The following C8orf88 variants were observed in gnomAD, a reference collection of about 807,000 sequenced individuals.
C8orf88 encodes uncharacterized protein C8orf88.
C8orf88 carries 14 observed loss-of-function variants against 18.4 expected under a neutral mutation model. The observed-to-expected ratio is 0.76, with a 90% CI of 0.50 to 1.19. C8orf88 has a LOEUF of 1.19. C8orf88 is among the 50% of genes most tolerant of loss of function. The probability of loss-of-function intolerance (pLI) is 0.00; values close to 1 mark genes in which losing one functional copy is unlikely to be tolerated. For missense variants in C8orf88, 116 were observed against 134.7 expected, an observed-to-expected ratio of 0.86 and a Z score of 0.69; for synonymous variants, 45 against 42.9, an observed-to-expected ratio of 1.05 and a Z score of -0.19.
chr8:90,976,615 A>G (rs1370392438), intron 3 of C8orf88, among the ~76,000 whole-genome samples: 2 of 152,064 alleles, frequency 1.3e-5, no homozygotes, highest in Non-Finnish European at 2.9e-5. Flanking sequence ...TTATACAGAG[A>G]TACAAAAATG....
intron 3 of C8orf88, among the ~76,000 whole-genome samples, chr8:90,976,512 A>T (rs868686770): frequency 4.6e-5 from 7 of 152,224 alleles, no homozygotes; most frequent in Middle Eastern, 6.8e-3. Flanking sequence ...TATTTAATTA[A>T]GGAAATGTTA....
chr8:90,982,226 TG>T (rs1188373589), intron 1 of C8orf88, among the ~76,000 whole-genome samples: 6 of 151,876 alleles, frequency 4.0e-5, no homozygotes, highest in African/African-American at 1.5e-4. Context: ...TATAACAAGA[TG>T]AAAAAAAAGT....
intron 1 of C8orf88, among the ~76,000 whole-genome samples, chr8:90,984,383 A>C (rs1314659790): frequency 1.3e-5 from 2 of 152,204 alleles, no homozygotes; most frequent in Admixed American, 1.3e-4. Context: ...ATAGATGAAG[A>C]GAAACATACA....
In C8orf88 at chr8:90,971,005, T is replaced by C. The variant is rs1036559389; in HGVS notation, c.223+61A>G. 3.0e-6 allele frequency: 3 copies of C among 984,290 alleles called. No homozygotes were observed. In the East Asian group the frequency reaches 8.0e-5, roughly 26 times the overall value. 61.0% of individuals were successfully genotyped at this position (984,290 alleles called of 1,614,324 possible). On this transcript the variant is annotated intron_variant, in intron 4 of 5. Transcript: ENST00000517562. ...TTGCATCTAAGTGATAAAGTAATAT[T>C]AACTTTATATGAATGCTAAGACATT...
chr8:90,980,134 C>G (rs1811411796), intron 2 of C8orf88, among the ~76,000 whole-genome samples: 1 of 152,164 alleles, frequency 6.6e-6, no homozygotes, highest in South Asian at 2.1e-4. Flanking sequence ...AACACACACA[C>G]AGAAAGTTAC....
At chr8:90,972,807 G>T (rs1178233923) in intron 3 of C8orf88, among the ~76,000 whole-genome samples, 3 of 151,908 alleles carry the variant, frequency 2.0e-5, no homozygotes, top group Non-Finnish European at 4.4e-5. Flanking sequence ...ATTTGTGAAG[G>T]GTATGCATCT....
intron 4 of C8orf88, among the ~76,000 whole-genome samples, chr8:90,967,974 T>C (rs1185789726): frequency 1.3e-5 from 2 of 151,788 alleles, no homozygotes; most frequent in East Asian, 3.9e-4. Flanking sequence ...AGATTTAATA[T>C]TGTTAAGTTG....
At chr8:90,960,899 G>T in intron 4 of C8orf88, 51 bp from the exon 5 acceptor site, 4 of 1,086,078 alleles carry the variant, frequency 3.7e-6, no homozygotes, top group Non-Finnish European at 5.3e-6. Context: ...GGGCTGTCTA[G>T]ATCACTTTTT....
chr8:90,965,905 A>G (rs1246241825), intron 4 of C8orf88, among the ~76,000 whole-genome samples: 2 of 151,818 alleles, frequency 1.3e-5, no homozygotes, highest in African/African-American at 2.4e-5. Flanking sequence ...GTTTATAGCT[A>G]TAAATGTCTA....
At chr8:90,962,514 G>A (rs1446134167) in intron 4 of C8orf88, among the ~76,000 whole-genome samples, 1 of 151,328 alleles carries the variant, frequency 6.6e-6, no homozygotes, top group Admixed American at 6.6e-5. Context: ...GTAAAAACCA[G>A]GGGAATACTT....
chr8:90,977,763 G>A (rs1326804801), intron 3 of C8orf88, among the ~76,000 whole-genome samples: 1 of 152,058 alleles, frequency 6.6e-6, no homozygotes, highest in Admixed American at 6.6e-5. Flanking sequence ...CCAATATGGT[G>A]AAACCCCATC....
intron 3 of C8orf88, among the ~76,000 whole-genome samples, chr8:90,976,048 C>T (rs1018988477): frequency 6.6e-6 from 1 of 151,828 alleles, no homozygotes; most frequent in African/African-American, 2.4e-5. Context: ...ATATGAAACT[C>T]TAGAACAGTA....
At chr8:90,962,005 A>G (rs1811135325) in intron 4 of C8orf88, among the ~76,000 whole-genome samples, 1 of 151,588 alleles carries the variant, frequency 6.6e-6, no homozygotes, top group South Asian at 2.1e-4. Context: ...AAAGATACAC[A>G]TGAAAAGACT....
At position 90,978,616 on chromosome 8, in the gene C8orf88, G is replaced by A; in HGVS notation, c.110C>T (p.Pro37Leu). 1.3e-6 allele frequency: 2 copies of A among 1,530,894 alleles called. No individual in the cohort carries two copies. Among genetic ancestry groups the A allele is most frequent in the Non-Finnish European group, 1.7e-6 (2 of 1,144,086 alleles). The allele number at this position is 1,530,894 out of a possible 1,614,324, so 94.8% of individuals were successfully genotyped here. The change falls in exon 3 of 6, where the codon CCA becomes CTA. Residue 37 changes from proline to leucine, a missense_variant. Coordinates refer to ENST00000517562, the MANE Select transcript of C8orf88 (RefSeq NM_001190972.2). ...ACTTTGTATGCACTGAGTGTTGCATGGATATTCGTTTTGAAAGTTGAAAGG... is the reference window on the plus strand; with the variant it reads ...ACTTTGTATGCACTGAGTGTTGCATAGATATTCGTTTTGAAAGTTGAAAGG... ...VFPFNFQNEY[P>L]CNTQCIQSGV...
In C8orf88 at chr8:90,958,936, A is replaced by G; in HGVS notation, c.*71T>C. 1.1e-6 allele frequency: 1 copy of G among 879,032 alleles called. No individual in the cohort carries two copies. The highest frequency in any genetic ancestry group is 2.9e-5 in the East Asian group (1 of 34,278). 54.5% of individuals were successfully genotyped at this position (879,032 alleles called of 1,614,324 possible). On this transcript the variant is annotated 3_prime_UTR_variant, in exon 6 of 6. Coordinates refer to ENST00000517562, the MANE Select transcript of C8orf88 (RefSeq NM_001190972.2). ...AGAATAAATTGAATTGTCACAGTCCATTACAGTTATTGTTGCTAGATCCAC... is the reference window on the plus strand; with the variant it reads ...AGAATAAATTGAATTGTCACAGTCCGTTACAGTTATTGTTGCTAGATCCAC...
chr8:90,981,964 A>C (rs1811441215), intron 1 of C8orf88, among the ~76,000 whole-genome samples: 1 of 152,154 alleles, frequency 6.6e-6, no homozygotes, highest in African/African-American at 2.4e-5. Context: ...GTAACCCTTT[A>C]AGTTCCCAGA....
chr8:90,962,636 T>C (rs914447120), intron 4 of C8orf88, among the ~76,000 whole-genome samples: 1 of 151,300 alleles, frequency 6.6e-6, no homozygotes, highest in Non-Finnish European at 1.5e-5. Flanking sequence ...TCATTACTTT[T>C]ATAGGTTCCC....
chr8:90,973,828 T>A, intron 3 of C8orf88, among the ~76,000 whole-genome samples: 1 of 152,040 alleles, frequency 6.6e-6, no homozygotes, highest in Non-Finnish European at 1.5e-5. Flanking sequence ...TTGTCACTCA[T>A]CTTAAACAAA....
rs1255936252 is a variant in C8orf88 at position 90,978,539 on chromosome 8, A to G, written c.147+40T>C. On this transcript the variant is annotated intron_variant, in intron 3 of 5. Transcript: ENST00000517562. ...GCCATCTAACACATGTTACTTTCCA[A>G]TCTATAATATTTCCTTCTGTTATAA... The G allele has an allele frequency of 1.7e-5, 22 of 1,286,040 alleles. No individual in the cohort carries two copies. In the Middle Eastern group the frequency reaches 2.4e-3, roughly 141 times the overall value. 79.7% of individuals were successfully genotyped at this position (1,286,040 alleles called of 1,614,324 possible).
Sources: allele counts gnomAD v4.1 joint callset (sites outside exome capture counted in the v4.1 genomes callset), GRCh38; gene constraint gnomAD v4.1.1; transcripts MANE v1.5; gene names NCBI Gene and HGNC (gene_info 2026-07-23, HGNC 2026-07-21).